Variants in WFS1 observed in about 807,000 individuals in gnomAD.
WFS1 encodes wolframin.
In WFS1, 90 loss-of-function variants were observed where a neutral mutation model predicts 68.5. The observed-to-expected ratio is 1.31, with a 90% CI of 1.11 to 1.56. The LOEUF is 1.56. Ranked by LOEUF, WFS1 falls within the 40% of genes most tolerant of loss-of-function variation. The pLI is 0.00. For missense variants in WFS1, 1,767 were observed against 1,232.6 expected, an observed-to-expected ratio of 1.43 and a Z score of -6.49; for synonymous variants, 860 against 540.7, an observed-to-expected ratio of 1.59 and a Z score of -8.19.
chr4:6,298,799 G>A (rs1051602011), intron 7 of WFS1, among the ~76,000 whole-genome samples: 1 of 152,258 alleles, frequency 6.6e-6, no homozygotes, highest in Admixed American at 6.5e-5. Flanking sequence ...ACATTCTGGT[G>A]TTGTCACCTA....
At chr4:6,299,212 G>A (rs1342305582) in intron 7 of WFS1, among the ~76,000 whole-genome samples, 1 of 152,214 alleles carries the variant, frequency 6.6e-6, no homozygotes, top group Non-Finnish European at 1.5e-5. Context: ...AAGGCATGAG[G>A]GCTGGCCCTG....
intron 4 of WFS1, 106 bp downstream of exon 4, chr4:6,289,237 C>A (rs1207027706): frequency 3.5e-6 from 5 of 1,418,050 alleles, no homozygotes; most frequent in Non-Finnish European, 4.7e-6. Context: ...GCTGGTGATG[C>A]TGTTGGGAAA....
chr4:6,301,989 C>A lies in WFS1; in HGVS notation c.2194C>A (p.Arg732Ser). The A allele has an allele frequency of 1.2e-6, 2 of 1,612,672 alleles. No homozygotes were observed. Among genetic ancestry groups the A allele is most frequent in the South Asian group, 2.2e-5 (2 of 91,062 alleles). Residue 732 changes from arginine (R) to serine (S), a missense_variant, in exon 8 of 8, where the codon CGC (arginine) becomes AGC (serine). Arg to Ser is a moderately radical substitution (Grantham distance 110). Coordinates refer to ENST00000226760, the MANE Select transcript of WFS1 (RefSeq NM_006005.3). ...MLPFFIGDWM[R>S]CLYGEAYPAC... The stretch of plus-strand genomic sequence containing the variant: ...CCCGTTCTTCATCGGCGACTGGATG[C>A]GCTGCCTCTACGGCGAGGCCTACCC...
chr4:6,274,525 G>C (rs1280560866), intron 1 of WFS1, among the ~76,000 whole-genome samples: 1 of 152,120 alleles, frequency 6.6e-6, no homozygotes, highest in African/African-American at 2.4e-5. Flanking sequence ...GCTTCCAGCT[G>C]TAACCTCTAG....
In WFS1 at chr4:6,302,350, C is replaced by T. The variant is rs778126685; in HGVS notation, c.2555C>T (p.Ala852Val). 2.5e-6 allele frequency: 4 copies of T among 1,612,932 alleles called. No individual in the cohort carries two copies. The highest frequency in any genetic ancestry group is 1.7e-5 in the Admixed American group (1 of 60,030). ...LKAISCLNCM[A>V]QLSPTRRHVK... ...GCCATCAGCTGCCTCAACTGCATGG[C>T]CCAGCTCTCACCCACCAGGCGGCAC... Residue 852 changes from alanine to valine, a missense_variant, in exon 8 of 8, where the codon GCC (alanine) becomes GTC (valine). By Grantham distance (64) the Ala-to-Val change is moderately conservative (BLOSUM62 0). Transcript: ENST00000226760.
At chr4:6,290,795 G>A (rs1730439127) in intron 4 of WFS1, among the ~76,000 whole-genome samples, 2 of 151,772 alleles carry the variant, frequency 1.3e-5, no homozygotes, top group South Asian at 2.1e-4. Context: ...GGCCCTGCCA[G>A]TGCACCCAGG....
intron 1 of WFS1, among the ~76,000 whole-genome samples, chr4:6,274,690 G>GCACCCTAA (rs1160247155): frequency 1.3e-5 from 2 of 152,142 alleles, no homozygotes. Context: ...TTAGGGTCTA[G>GCACCCTAA]GCTGGGGGAG....
At chr4:6,273,193 G>A (rs1034788590) in intron 1 of WFS1, among the ~76,000 whole-genome samples, 1 of 152,260 alleles carries the variant, frequency 6.6e-6, no homozygotes, top group Admixed American at 6.5e-5. Context: ...AGAAGGCCAC[G>A]TGTGGTCATT....
intron 6 of WFS1, chr4:6,294,813 C>A (rs1313210474): frequency 6.7e-6 from 4 of 595,616 alleles, no homozygotes; most frequent in African/African-American, 1.8e-5. Flanking sequence ...CACCCAGGGG[C>A]CGGGGGCCAG....
chr4:6,301,993 G>T lies in WFS1; in HGVS notation c.2198G>T (p.Cys733Phe). 1 of 1,612,686 alleles carries T rather than the reference G, an allele frequency of 6.2e-7. No individual in the cohort carries two copies. The highest frequency in any genetic ancestry group is 8.5e-7 in the Non-Finnish European group (1 of 1,179,908). ...LPFFIGDWMR[C>F]LYGEAYPACS... ...TTCTTCATCGGCGACTGGATGCGCT[G>T]CCTCTACGGCGAGGCCTACCCTGCC... The change falls in exon 8 of 8, where the codon TGC becomes TTC. Residue 733 changes from cysteine (C) to phenylalanine (F), a missense_variant. Coordinates refer to ENST00000226760, the MANE Select transcript of WFS1 (RefSeq NM_006005.3).
At chr4:6,293,885 G>A (rs367780553) in intron 6 of WFS1, among the ~76,000 whole-genome samples, 8 of 152,130 alleles carry the variant, frequency 5.3e-5, no homozygotes, top group Non-Finnish European at 1.0e-4. Context: ...CATCCAGCCC[G>A]TGCTCCTTCC....
rs1730458764 is a variant in WFS1 at position 6,291,354 on chromosome 4, G to C, written c.618G>C (p.Gln206His). The C allele has an allele frequency of 6.2e-7, 1 of 1,612,862 alleles. No individual in the cohort carries two copies. The highest frequency in any genetic ancestry group is 2.2e-5 in the East Asian group (1 of 44,860). ...CGGAGCTGCTGGAGAATGTCGGCCAGGTCAACGAGCACGGTGCGAGGATTC... is the reference window on the plus strand; with the variant it reads ...CGGAGCTGCTGGAGAATGTCGGCCACGTCAACGAGCACGGTGCGAGGATTC... ...AVAELLENVG[Q>H]VNEHDGGAQP... Residue 206 changes from glutamine (Q) to histidine (H), a missense_variant, in exon 5 of 8, where the codon CAG (glutamine) becomes CAC (histidine). Coordinates refer to ENST00000226760, the MANE Select transcript of WFS1 (RefSeq NM_006005.3).
chr4:6,294,709 A>G (rs1730575605), intron 6 of WFS1: 1 of 376,246 alleles, frequency 2.7e-6, no homozygotes, highest in Non-Finnish European at 5.1e-6. Context: ...TGCATGTTGT[A>G]AGGCTTGGCA....
At position 6,300,698 on chromosome 4, in the gene WFS1, G is replaced by A. The variant is rs1553878261; in HGVS notation, c.903G>A (p.Glu301=). 1.9e-6 allele frequency: 3 copies of A among 1,614,082 alleles called. No homozygotes were observed. The highest frequency in any genetic ancestry group is 2.2e-5 in the East Asian group (1 of 44,868). Residue 301 remains glutamate (E), a synonymous_variant, in exon 8 of 8, where the codon GAG becomes GAA. Coordinates refer to ENST00000226760, the MANE Select transcript of WFS1 (RefSeq NM_006005.3). ...TGCACGCCATCATGGAGATCAAGGA[G>A]TACCTGATTGACATGGCCTCCAGGG... ...YPLHAIMEIK[E]YLIDMASRAG... is the part of the protein sequence containing the mutation.
intron 7 of WFS1, among the ~76,000 whole-genome samples, chr4:6,299,522 AAT>A (rs1491193376): frequency 8.8e-6 from 1 of 113,154 alleles, no homozygotes; most frequent in Non-Finnish European, 1.8e-5. Context: ...CGTGTGTGTG[AAT>A]GTGTATAGGG....
At chr4:6,298,901 C>G (rs76036930) in intron 7 of WFS1, among the ~76,000 whole-genome samples, 2 of 152,322 alleles carry the variant, frequency 1.3e-5, no homozygotes, top group Admixed American at 1.3e-4. Context: ...GGTGCTTCCC[C>G]GAGGCCCGGA....
chr4:6,283,067 G>C lies in WFS1; in HGVS notation c.233-4026G>C, dbSNP rs1257199222. Reference sequence around the variant, plus strand: ...ACGATGGACGATGACCCAGGTTCCAGCAAGATATGGCAGTGGGCTGTGCCG... The same window carrying C: ...ACGATGGACGATGACCCAGGTTCCACCAAGATATGGCAGTGGGCTGTGCCG... On this transcript the variant is annotated intron_variant, in intron 2 of 7. Transcript: ENST00000226760. This position sits in a 1 kb window ranked among gnomAD's most constrained non-coding sequence, Gnocchi z 5.0. Among the ~76,000 whole-genome samples, 1 of 152,244 alleles carries C rather than the reference G, an allele frequency of 6.6e-6. No individual in the cohort carries two copies. Among genetic ancestry groups the C allele is most frequent in the African/African-American group, 2.4e-5 (1 of 41,460 alleles).
intron 2 of WFS1, among the ~76,000 whole-genome samples, chr4:6,281,273 C>A (rs986985756): frequency 2.0e-5 from 3 of 152,088 alleles, no homozygotes; most frequent in Non-Finnish European, 4.4e-5. Flanking sequence ...AAGCAGGCAC[C>A]CCAGCTCCTA....
At chr4:6,297,561 C>T (rs1031115735) in intron 7 of WFS1, among the ~76,000 whole-genome samples, 1 of 152,164 alleles carries the variant, frequency 6.6e-6, no homozygotes, top group African/African-American at 2.4e-5. Flanking sequence ...TTTTTGCCCA[C>T]AGGTTTGAGC....
Sources: gnomAD v4.1 joint callset for allele counts (sites outside exome capture counted in the v4.1 genomes callset) on GRCh38, gnomAD v4.1.1 for gene constraint, Gnocchi (gnomAD v3.1) non-coding constraint, MANE v1.5 for transcripts, NCBI Gene and HGNC (gene_info 2026-07-23, HGNC 2026-07-21) for gene names.